Variants in FNIP2 observed in about 807,000 individuals in gnomAD.
FNIP2 encodes folliculin-interacting protein 2.
FNIP2 carries 32 observed loss-of-function variants against 108.7 expected under a neutral mutation model. The ratio of observed to expected loss-of-function variants is 0.29; its 90% CI spans 0.22 to 0.40. The LOEUF is 0.40. Ranked by LOEUF, FNIP2 falls within the 10% of genes least tolerant of loss-of-function variation. The pLI, the probability that FNIP2 is intolerant of heterozygous loss-of-function variation, is 1.00. For synonymous variants in FNIP2, 480 were observed against 496.7 expected (o/e 0.97, Z 0.45); for missense variants, 1,202 against 1,381.6 (o/e 0.87, Z 2.06).
chr4:158,790,027 A>C (rs1427079480), intron 1 of FNIP2, among the ~76,000 whole-genome samples: 1 of 152,124 alleles, frequency 6.6e-6, no homozygotes, highest in Non-Finnish European at 1.5e-5. Flanking sequence ...CTTATGGGTC[A>C]CGGTCCCAAC....
intron 14 of FNIP2, among the ~76,000 whole-genome samples, chr4:158,887,924 G>T (rs1311980578): frequency 6.6e-6 from 1 of 152,110 alleles, no homozygotes; most frequent in Non-Finnish European, 1.5e-5. Context: ...AGTCTCTAAT[G>T]GGGTTGAGTT....
At position 158,839,646 on chromosome 4, in the gene FNIP2, G is replaced by C. The variant is rs1459464884; in HGVS notation, c.727+4170G>C. 2.0e-5 allele frequency among the ~76,000 whole-genome samples: 3 copies of C among 152,286 alleles called. No individual in the cohort carries two copies. The East Asian group carries it at 5.8e-4, about 29-fold the overall frequency. The stretch of plus-strand genomic sequence containing the variant: ...CACTCCCAAAATAGTGGGGTTACAG[G>C]CATGAGCCACAGCACCCCACAACTT... On this transcript the variant is annotated intron_variant, in intron 7 of 16. Transcript: ENST00000264433.
intron 1 of FNIP2, among the ~76,000 whole-genome samples, chr4:158,811,027 TG>T (rs1260513068): frequency 1.2e-4 from 19 of 152,318 alleles, no homozygotes; most frequent in Middle Eastern, 3.4e-3. Flanking sequence ...TAGCAAGCCC[TG>T]GTGGGAATTG....
chr4:158,869,834 G>A (rs1246560246), intron 13 of FNIP2, among the ~76,000 whole-genome samples: 5 of 152,232 alleles, frequency 3.3e-5, no homozygotes, highest in Non-Finnish European at 5.9e-5. Flanking sequence ...CTCTCCTGCC[G>A]ATCAGAGCAG....
At position 158,869,054 on chromosome 4, in the gene FNIP2, A is replaced by G; in HGVS notation, c.2418A>G (p.Ala806=). 1 of 1,614,050 alleles carries G rather than the reference A, an allele frequency of 6.2e-7. No individual in the cohort carries two copies. Residue 806 remains alanine, a synonymous_variant, in exon 13 of 17, where the codon GCA becomes GCG. Transcript: ENST00000264433. ...AEDRGSRNDM[A]ADIAGQLSHA... Reference sequence around the variant, plus strand: ...ACAGAGGCAGCAGAAACGACATGGCAGCAGATATTGCTGGGCAGCTCAGCC... The same window carrying G: ...ACAGAGGCAGCAGAAACGACATGGCGGCAGATATTGCTGGGCAGCTCAGCC...
chr4:158,873,535 G>T (rs1028681382), intron 14 of FNIP2, among the ~76,000 whole-genome samples: 1 of 152,192 alleles, frequency 6.6e-6, no homozygotes, highest in African/African-American at 2.4e-5. Context: ...ATAACTGCTA[G>T]TTTGGAGTTT....
chr4:158,828,424 G>A (rs1455683414), intron 2 of FNIP2, among the ~76,000 whole-genome samples: 1 of 152,148 alleles, frequency 6.6e-6, no homozygotes, highest in Non-Finnish European at 1.5e-5. Flanking sequence ...GACCATCTTG[G>A]TCAACATGGT....
chr4:158,840,367 G>A (rs965181704), intron 7 of FNIP2, among the ~76,000 whole-genome samples: 44 of 152,076 alleles, frequency 2.9e-4, no homozygotes, highest in African/African-American at 1.0e-3. Context: ...AGTGAGATGG[G>A]TTGGAGTAGA....
In FNIP2 at chr4:158,852,084, T is replaced by C. The variant is rs181218965; in HGVS notation, c.857+634T>C. Among the ~76,000 whole-genome samples, 85 of 152,332 alleles carry C rather than the reference T, an allele frequency of 5.6e-4. 1 individual carries two copies. Among genetic ancestry groups the C allele is most frequent in the Non-Finnish European group, 2.2e-4 (15 of 68,032 alleles). ...CATGTCAATTAACTGATTTAGTAAA[T>C]TGACTAGTACTCAACATACGTAGAG... On this transcript the variant is annotated intron_variant, in intron 8 of 16. Transcript: ENST00000264433.
chr4:158,899,542 T>C (rs561878422), intron 16 of FNIP2, among the ~76,000 whole-genome samples: 1 of 152,378 alleles, frequency 6.6e-6, no homozygotes, highest in Admixed American at 6.5e-5. Context: ...GTTATCAGTC[T>C]ATTCAGGGAT....
At chr4:158,801,199 C>T (rs1388038905) in intron 1 of FNIP2, among the ~76,000 whole-genome samples, 5 of 151,862 alleles carry the variant, frequency 3.3e-5, no homozygotes, top group East Asian at 3.9e-4. Context: ...CCTGGGGAGG[C>T]GGTAGGGGCC....
chr4:158,784,971 A>G (rs952833446), intron 1 of FNIP2, among the ~76,000 whole-genome samples: 2 of 152,190 alleles, frequency 1.3e-5, no homozygotes, highest in African/African-American at 2.4e-5. Context: ...GCATAATACT[A>G]AGTACAGTAC....
At chr4:158,855,648 A>G (rs1412592421) in intron 8 of FNIP2, among the ~76,000 whole-genome samples, 1 of 152,016 alleles carries the variant, frequency 6.6e-6, no homozygotes, top group Non-Finnish European at 1.5e-5. Context: ...GAGTTTCACC[A>G]TGTTGGCCAG....
chr4:158,850,699 G>A (rs1779649644), intron 7 of FNIP2, among the ~76,000 whole-genome samples: 1 of 147,322 alleles, frequency 6.8e-6, no homozygotes, highest in Non-Finnish European at 1.5e-5. Context: ...ATACTAGATG[G>A]GGAAAAAACT....
intron 6 of FNIP2, 99 bp from the exon 7 acceptor site, chr4:158,835,306 G>A: frequency 1.1e-6 from 1 of 875,740 alleles, no homozygotes; most frequent in South Asian, 1.4e-5. Context: ...ATCATCAGTA[G>A]CAGTAGCCTA....
intron 2 of FNIP2, among the ~76,000 whole-genome samples, chr4:158,827,872 A>G (rs112046585): frequency 0.029 from 4,377 of 152,260 alleles, 87 homozygotes; most frequent in Non-Finnish European, 0.044. Context: ...ATGAGTTTGT[A>G]TCAAGCACAT....
At chr4:158,777,980 A>G (rs2126412912) in intron 1 of FNIP2, among the ~76,000 whole-genome samples, 1 of 152,282 alleles carries the variant, frequency 6.6e-6, no homozygotes, top group South Asian at 2.1e-4. Flanking sequence ...TACAGGAAAA[A>G]AAATTCTTTC....
chr4:158,891,402 C>T, intron 14 of FNIP2, 44 bp from the exon 15 acceptor site: 1 of 1,534,582 alleles, frequency 6.5e-7, no homozygotes, highest in Non-Finnish European at 8.8e-7. Flanking sequence ...ACCTTTTGGA[C>T]TCACCTGGAT....
At chr4:158,888,258 G>T (rs1018410810) in intron 14 of FNIP2, among the ~76,000 whole-genome samples, 6 of 152,178 alleles carry the variant, frequency 3.9e-5, no homozygotes, top group African/African-American at 1.4e-4. Context: ...AGTAGCCTGA[G>T]AATATGTAAT....
Sources: gnomAD v4.1 joint callset for allele counts (sites outside exome capture counted in the v4.1 genomes callset) on GRCh38, gnomAD v4.1.1 for gene constraint, MANE v1.5 for transcripts, NCBI Gene and HGNC (gene_info 2026-07-23, HGNC 2026-07-21) for gene names.